The following SIK3 variants were observed in gnomAD, a reference collection of about 807,000 sequenced individuals.
The protein encoded by SIK3 is serine/threonine-protein kinase SIK3.
SIK3 carries 28 observed loss-of-function variants against 144.2 expected under a neutral mutation model. That is an observed-to-expected ratio of 0.19 (90% CI 0.14 to 0.27). SIK3 has a LOEUF of 0.27. Among genes scored for constraint, SIK3 ranks in the 10% least tolerant of loss-of-function variants. The pLI is 1.00. For synonymous variants in SIK3, 686 were observed against 676.3 expected, an observed-to-expected ratio of 1.01 and a Z score of -0.22; for missense variants, 1,319 against 1,776.0, an observed-to-expected ratio of 0.74 and a Z score of 4.62.
At chr11:117,041,227 G>T (rs1382884454) in intron 1 of SIK3, among the ~76,000 whole-genome samples, 1 of 151,966 alleles carries the variant, frequency 6.6e-6, no homozygotes, top group Non-Finnish European at 1.5e-5. Context: ...TAAGAGATGG[G>T]GAAAAAAATA....
At chr11:116,996,417 T>C (rs1950668065) in intron 1 of SIK3, among the ~76,000 whole-genome samples, 1 of 152,178 alleles carries the variant, frequency 6.6e-6, no homozygotes, top group Non-Finnish European at 1.5e-5. Flanking sequence ...AAAAAAATAT[T>C]ATCTTAAATA....
chr11:117,098,337 G>A lies in SIK3; in HGVS notation c.79C>T (p.Leu27=). 4 of 1,154,070 alleles carry A rather than the reference G, an allele frequency of 3.5e-6. No individual in the cohort carries two copies. Among genetic ancestry groups the A allele is most frequent in the Non-Finnish European group, 4.3e-6 (4 of 941,164 alleles). The allele number at this position is 1,154,070 out of a possible 1,614,324, so 71.5% of individuals were successfully genotyped here. A position where few individuals can be genotyped will look rare whatever the true frequency, so the allele number is the denominator to read the frequency against. Residue 27 remains leucine (L), a synonymous_variant, in exon 1 of 25, where the codon CTG becomes TTG. Coordinates refer to ENST00000445177, the MANE Select transcript of SIK3 (RefSeq NM_001366686.3). The part of the protein sequence containing the change: ...TGGAGPAGRL[L]PPPAPGSPAA... ...GGGGACCCCGGCGCGGGCGGAGGCA[G>A]CAGGCGGCCCGCGGGCCCGGCTCCC...
intron 1 of SIK3, among the ~76,000 whole-genome samples, chr11:117,002,458 C>T (rs1950890148): frequency 6.6e-6 from 1 of 152,158 alleles, no homozygotes; most frequent in Non-Finnish European, 1.5e-5. Flanking sequence ...TGAGATAAAA[C>T]ATTAGTCTCC....
chr11:117,018,725 T>TTTTATTTTA (rs71714132), intron 1 of SIK3, among the ~76,000 whole-genome samples: 1 of 151,046 alleles, frequency 6.6e-6, no homozygotes, highest in African/African-American at 2.4e-5. Context: ...TATTTATTTT[T>TTTTATTTTA]TTTTTTTGAA....
chr11:117,092,558 C>T (rs1205825305), intron 1 of SIK3, among the ~76,000 whole-genome samples: 3 of 152,182 alleles, frequency 2.0e-5, no homozygotes, highest in South Asian at 2.1e-4. Context: ...CTGTCTCCTT[C>T]TACTAGAAAG....
chr11:117,074,671 C>T (rs1954426178), intron 1 of SIK3, among the ~76,000 whole-genome samples: 1 of 152,144 alleles, frequency 6.6e-6, no homozygotes, highest in South Asian at 2.1e-4. Context: ...GCCTGTAATC[C>T]CAGCACTTTG....
chr11:117,069,851 T>C (rs760069828), intron 1 of SIK3, among the ~76,000 whole-genome samples: 4 of 152,234 alleles, frequency 2.6e-5, no homozygotes, highest in Non-Finnish European at 4.4e-5. Flanking sequence ...AGGAAGAGTT[T>C]TGATCTCTAA....
intron 3 of SIK3, among the ~76,000 whole-genome samples, chr11:116,944,247 G>A (rs1948460634): frequency 6.6e-6 from 1 of 152,154 alleles, no homozygotes; most frequent in Non-Finnish European, 1.5e-5. Flanking sequence ...CAGTCTCTGG[G>A]TTCTTGGAAT....
intron 2 of SIK3, 49 bp downstream of exon 2, chr11:116,956,899 C>A (rs757916247): frequency 1.9e-5 from 22 of 1,185,412 alleles, no homozygotes; most frequent in Non-Finnish European, 2.6e-5. Flanking sequence ...GCCATACATA[C>A]AATATTCTGG....
chr11:117,050,568 C>T (rs1953192558), intron 1 of SIK3, among the ~76,000 whole-genome samples: 1 of 151,464 alleles, frequency 6.6e-6, no homozygotes, highest in Admixed American at 6.6e-5. Context: ...CGCCTGTAAT[C>T]CCAGCTACTC....
chr11:116,878,283 A>G (rs1186203872), intron 6 of SIK3, among the ~76,000 whole-genome samples: 3 of 152,136 alleles, frequency 2.0e-5, no homozygotes, highest in Non-Finnish European at 2.9e-5. Flanking sequence ...AAATTTGGGC[A>G]TATCACCACT....
chr11:116,916,973 G>C (rs945293847), intron 4 of SIK3, among the ~76,000 whole-genome samples: 1 of 151,552 alleles, frequency 6.6e-6, no homozygotes, highest in African/African-American at 2.4e-5. Context: ...TTTTTTTTAA[G>C]AGACAGGGTC....
intron 1 of SIK3, among the ~76,000 whole-genome samples, chr11:117,069,926 G>A (rs544208733): frequency 6.6e-6 from 1 of 152,260 alleles, no homozygotes; most frequent in East Asian, 1.9e-4. Flanking sequence ...AAATCTTTAT[G>A]AGAAATTCGA....
intron 1 of SIK3, among the ~76,000 whole-genome samples, chr11:117,075,677 G>C (rs1954484351): frequency 6.6e-6 from 1 of 150,652 alleles, no homozygotes; most frequent in South Asian, 2.1e-4. Flanking sequence ...AAGGAGCTGG[G>C]ACTACAGGTG....
intron 3 of SIK3, among the ~76,000 whole-genome samples, chr11:116,933,329 C>G (rs556065188): frequency 1.3e-5 from 2 of 152,008 alleles, no homozygotes; most frequent in East Asian, 3.9e-4. Flanking sequence ...TTAGTAGAGA[C>G]AGGGTTTCAC....
intron 1 of SIK3, among the ~76,000 whole-genome samples, chr11:117,075,596 CA>C (rs1429960032): frequency 1.4e-5 from 2 of 147,538 alleles, no homozygotes; most frequent in East Asian, 3.9e-4. Context: ...GGCTGGAGTG[CA>C]GTGGCACGAT....
At chr11:117,077,326 T>C (rs1426157130) in intron 1 of SIK3, among the ~76,000 whole-genome samples, 2 of 152,184 alleles carry the variant, frequency 1.3e-5, no homozygotes, top group East Asian at 3.9e-4. Context: ...CTCTGAATAT[T>C]CCTTTCACAT....
intron 4 of SIK3, among the ~76,000 whole-genome samples, chr11:116,916,533 C>CA (rs1946641492): frequency 7.1e-6 from 1 of 141,488 alleles, no homozygotes; most frequent in African/African-American, 2.6e-5. Flanking sequence ...TTTTTTGAGA[C>CA]AGAGTCTTGC....
chr11:116,876,419 GCACAGCA>G, intron 7 of SIK3, 56 bp from the exon 8 acceptor site: 1 of 1,399,560 alleles, frequency 7.1e-7, no homozygotes, highest in Non-Finnish European at 1.0e-6. Flanking sequence ...ATCAAATGTG[GCACAGCA>G]TATATAATGA....
Sources: allele counts gnomAD v4.1 joint callset (sites outside exome capture counted in the v4.1 genomes callset), GRCh38; gene constraint gnomAD v4.1.1; transcripts MANE v1.5; gene names NCBI Gene and HGNC (gene_info 2026-07-23, HGNC 2026-07-21).